Variants in AVEN observed in about 807,000 individuals in gnomAD.
AVEN encodes the protein cell death regulator Aven.
A neutral mutation model predicts 38.1 loss-of-function variants in AVEN; 41 were observed. That is an observed-to-expected ratio of 1.08 (90% CI 0.84 to 1.40). The LOEUF is 1.40. Ranked by LOEUF, AVEN falls within the 40% of genes most tolerant of loss-of-function variation. AVEN has a pLI of 0.00. For synonymous variants in AVEN, 206 were observed against 171.8 expected (o/e 1.20, Z -1.56); for missense variants, 605 against 438.8 (o/e 1.38, Z -3.38).
intron 1 of AVEN, among the ~76,000 whole-genome samples, chr15:34,018,623 G>A (rs1487987652): frequency 1.3e-5 from 2 of 152,218 alleles, no homozygotes; most frequent in Admixed American, 6.5e-5. Flanking sequence ...GCAGCAGCAA[G>A]ACTTATTGTG....
At chr15:34,029,662 C>CAAGGGAA (rs1597370347) in intron 1 of AVEN, among the ~76,000 whole-genome samples, 1 of 151,770 alleles carries the variant, frequency 6.6e-6, no homozygotes, top group East Asian at 1.9e-4. Flanking sequence ...TGAAGGACAC[C>CAAGGGAA]AAGGGAAAAT....
At chr15:33,960,200 T>C (rs1035770480) in intron 2 of AVEN, among the ~76,000 whole-genome samples, 2 of 152,172 alleles carry the variant, frequency 1.3e-5, no homozygotes, top group African/African-American at 2.4e-5. Flanking sequence ...GAGAGGTCAA[T>C]GCCTTTTGGA....
chr15:33,925,254 C>T (rs1893566718), intron 2 of AVEN, among the ~76,000 whole-genome samples: 1 of 151,938 alleles, frequency 6.6e-6, no homozygotes, highest in Non-Finnish European at 1.5e-5. Flanking sequence ...TTGCAAAGTC[C>T]CAGGGATAAA....
At chr15:33,919,645 G>T (rs190073552) in intron 2 of AVEN, among the ~76,000 whole-genome samples, 1 of 152,304 alleles carries the variant, frequency 6.6e-6, no homozygotes. Flanking sequence ...GAAATGTGTG[G>T]CTTAGAATAA....
intron 5 of AVEN, among the ~76,000 whole-genome samples, chr15:34,047,725 G>C (rs1899763423): frequency 6.6e-6 from 1 of 151,710 alleles, no homozygotes; most frequent in African/African-American, 2.4e-5. Context: ...TTTGTCAGTT[G>C]GTGGCCAGAC....
chr15:34,001,703 C>T (rs1166893438), intron 2 of AVEN, among the ~76,000 whole-genome samples: 1 of 17,606 alleles, frequency 5.7e-5, no homozygotes, highest in Non-Finnish European at 2.9e-4. Context: ...TTTGAATCAT[C>T]TACGGTAATG....
chr15:34,030,803 G>C (rs1156537604), intron 1 of AVEN, among the ~76,000 whole-genome samples: 2 of 151,718 alleles, frequency 1.3e-5, no homozygotes, highest in African/African-American at 4.8e-5. Context: ...TGTTGTTGTT[G>C]ACAGGGATCT....
chr15:33,888,001 G>A (rs1567397133), intron 2 of AVEN, among the ~76,000 whole-genome samples: 1 of 152,146 alleles, frequency 6.6e-6, no homozygotes, highest in East Asian at 1.9e-4. Context: ...GAGCAGATGA[G>A]AAAGAACTTT....
intron 1 of AVEN, among the ~76,000 whole-genome samples, chr15:34,028,208 C>T (rs975238808): frequency 1.3e-5 from 2 of 152,128 alleles, no homozygotes; most frequent in Non-Finnish European, 2.9e-5. Flanking sequence ...TCTAAATATT[C>T]TATACACATA....
At chr15:34,044,073 T>TA (rs149247953), upstream of AVEN, among the ~76,000 whole-genome samples, 447 of 151,782 alleles carry the variant, frequency 2.9e-3, 1 homozygote, top group African/African-American at 0.01. Context: ...AAGCATGCTG[T>TA]ATTTTCGCCC....
chr15:33,940,900 T>C (rs940110159), intron 2 of AVEN, among the ~76,000 whole-genome samples: 13 of 152,224 alleles, frequency 8.5e-5, no homozygotes, highest in Admixed American at 3.9e-4. Context: ...GAACCATACA[T>C]ACCTCCTGTA....
chr15:33,872,292 G>T (rs566541001), intron 3 of AVEN, among the ~76,000 whole-genome samples: 41 of 152,208 alleles, frequency 2.7e-4, no homozygotes, highest in Middle Eastern at 3.4e-3. Flanking sequence ...GGAATCATAA[G>T]ACTCTGAGTG....
rs142296771 is a variant in AVEN at position 34,047,874 on chromosome 15, G to A, written n.1637+15048C>T. Among the ~76,000 whole-genome samples the A allele has an allele frequency of 1.8e-3, 279 of 152,112 alleles. 1 individual carries two copies. Among genetic ancestry groups the A allele is most frequent in the Admixed American group, 5.6e-3 (86 of 15,278 alleles). The stretch of plus-strand genomic sequence containing the variant: ...AGTAATCCTCCCACCTCAGCCTCCC[G>A]CACCCTGTTTCCCAGGATGAGGGGC... On this transcript the variant is annotated intron_variant and non_coding_transcript_variant, in intron 5 of 11. Coordinates refer to the AVEN transcript ENST00000675287.
In AVEN at chr15:33,889,950, G is replaced by A. The variant is rs548252022; in HGVS notation, c.446-13955C>T. On this transcript the variant is annotated intron_variant, in intron 2 of 5. Transcript: ENST00000306730. ...CTCTCCACCAATGGGGTCAAGGTAC[G>A]GCAAGGTAGATACAAACCCTACATT... Among the ~76,000 whole-genome samples the A allele has an allele frequency of 1.6e-4, 24 of 152,238 alleles. No homozygotes were observed. The South Asian group carries it at 4.2e-3, about 26-fold the overall frequency.
At chr15:33,921,082 C>T (rs1311889683) in intron 2 of AVEN, among the ~76,000 whole-genome samples, 3 of 152,160 alleles carry the variant, frequency 2.0e-5, no homozygotes, top group East Asian at 1.9e-4. Flanking sequence ...GGCCCTTCCT[C>T]GTGTTTCAAT....
downstream of AVEN, among the ~76,000 whole-genome samples, chr15:33,864,569 G>C (rs998124379): frequency 6.6e-5 from 10 of 151,214 alleles, no homozygotes; most frequent in Non-Finnish European, 1.3e-4. Context: ...TCATGTGTGG[G>C]TGACACAGGA....
Position 33,867,540 on chromosome 15 carries a change from C to A in AVEN, c.928G>T (p.Asp310Tyr), listed in dbSNP as rs556787097. Residue 310 changes from aspartate (D) to tyrosine (Y), a missense_variant, in exon 5 of 6, where the codon GAC becomes TAC. Coordinates refer to ENST00000306730, the MANE Select transcript of AVEN (RefSeq NM_020371.3). ...DNILPDQTSQ[D>Y]LKSKEDGEVV... Reference sequence around the variant, plus strand: ...TCCCCATCTTCCTTGGATTTCAGGTCCTGAGACGTCTGATCTGGTAAGATG... The same window carrying A: ...TCCCCATCTTCCTTGGATTTCAGGTACTGAGACGTCTGATCTGGTAAGATG... The A allele has an allele frequency of 6.2e-7, 1 of 1,607,592 alleles. No homozygotes were observed. The highest frequency in any genetic ancestry group is 2.2e-5 in the East Asian group (1 of 44,854).
At chr15:33,953,326 G>A (rs1567431328) in intron 2 of AVEN, among the ~76,000 whole-genome samples, 1 of 151,788 alleles carries the variant, frequency 6.6e-6, no homozygotes, top group East Asian at 1.9e-4. Context: ...AGCCCACATT[G>A]CCAAGACAAT....
downstream of AVEN, chr15:33,857,973 A>C: frequency 1.2e-6 from 2 of 1,602,088 alleles, no homozygotes; most frequent in Non-Finnish European, 8.5e-7. Context: ...CCGCCCCACC[A>C]CCTCACTGGG....
Sources: gnomAD v4.1 joint callset for allele counts (sites outside exome capture counted in the v4.1 genomes callset) on GRCh38, gnomAD v4.1.1 for gene constraint, MANE v1.5 for transcripts, NCBI Gene and HGNC (gene_info 2026-07-23, HGNC 2026-07-21) for gene names.